DNTT: variants seen among roughly 807,000 people sequenced by gnomAD.
DNTT encodes nucleosidetriphosphate:DNA deoxynucleotidylexotransferase.
A neutral mutation model predicts 60.9 loss-of-function variants in DNTT; 47 were observed. The ratio of observed to expected loss-of-function variants is 0.77; its 90% CI spans 0.61 to 0.98. DNTT has a LOEUF of 0.98. DNTT is among the 50% of genes least tolerant of loss of function. DNTT has a pLI of 0.00. For synonymous variants in DNTT, 224 were observed against 221.2 expected (o/e 1.01, Z -0.11); for missense variants, 665 against 627.5 (o/e 1.06, Z -0.64).
chr10:96,320,460 A>G (rs1422055247), intron 3 of DNTT, among the ~76,000 whole-genome samples, 158 bp from the exon 4 acceptor site: 1 of 152,236 alleles, frequency 6.6e-6, no homozygotes, highest in African/African-American at 2.4e-5. Flanking sequence ...CCATGACACC[A>G]GAGAGGCATA....
intron 7 of DNTT, among the ~76,000 whole-genome samples, chr10:96,328,165 A>G (rs1215828513): frequency 1.3e-5 from 2 of 152,252 alleles, no homozygotes; most frequent in Non-Finnish European, 2.9e-5. Context: ...AACGCTTCAC[A>G]AGGATGTATG....
chr10:96,308,314 T>G (rs2133982358), intron 1 of DNTT, among the ~76,000 whole-genome samples: 1 of 152,332 alleles, frequency 6.6e-6, no homozygotes, highest in Non-Finnish European at 1.5e-5. Flanking sequence ...TATTGCAAAA[T>G]ACGTGCCATT....
chr10:96,309,364 G>C (rs1353581315), intron 1 of DNTT, among the ~76,000 whole-genome samples: 2 of 151,988 alleles, frequency 1.3e-5, no homozygotes, highest in African/African-American at 4.8e-5. Flanking sequence ...TGCAAACAAG[G>C]AGTTTACAGT....
rs1231096825 is a variant in DNTT at position 96,332,401 on chromosome 10, G to A, written c.1164G>A (p.Arg388=). 1.2e-6 allele frequency: 2 copies of A among 1,614,024 alleles called. No homozygotes were observed. The highest frequency in any genetic ancestry group is 2.7e-5 in the African/African-American group (2 of 74,918). The change falls in exon 9 of 11, where the codon AGG becomes AGA. Residue 388 remains arginine, a synonymous_variant. Coordinates refer to ENST00000371174, the MANE Select transcript of DNTT (RefSeq NM_004088.4). ...TGGAGTCAACATTTGAAAAGCTCAG[G>A]TTGCCTAGCAGGAAGGTTGATGCTT... ...DLVESTFEKL[R]LPSRKVDALD...
chr10:96,305,525 G>C (rs902663401), intron 1 of DNTT, among the ~76,000 whole-genome samples: 1 of 152,196 alleles, frequency 6.6e-6, no homozygotes, highest in African/African-American at 2.4e-5. Flanking sequence ...ATAAGTGATG[G>C]TTCTGGATTA....
In DNTT at chr10:96,314,633, T is replaced by C. The variant is rs181217793; in HGVS notation, c.204-3719T>C. The stretch of plus-strand genomic sequence containing the variant: ...TTCACCGTGTTAGCCAGGATGGTCT[T>C]GATCTCCTGACCTCATGATCTGCCC... On this transcript the variant is annotated intron_variant, in intron 1 of 10. Transcript: ENST00000371174. 7.6e-4 allele frequency among the ~76,000 whole-genome samples: 115 copies of C among 151,658 alleles called. 1 individual carries two copies. Among genetic ancestry groups the C allele is most frequent in the East Asian group, 3.7e-3 (19 of 5,140 alleles).
rs571930329 is a variant in DNTT at position 96,327,523 on chromosome 10, C to A, written c.930C>A (p.Ala310=). 1.2e-6 allele frequency: 2 copies of A among 1,614,038 alleles called. No homozygotes were observed. Among genetic ancestry groups the A allele is most frequent in the African/African-American group, 1.3e-5 (1 of 75,026 alleles). The change falls in exon 7 of 11, where the codon GCC becomes GCA. Residue 310 remains alanine (A), a synonymous_variant. Transcript: ENST00000371174. Reference sequence around the variant, plus strand: ...GTGTGACCAGGGCAGAAGCAGAGGCCGTCAGTGTGCTGGTTAAAGAGGCTG... The same window carrying A: ...GTGTGACCAGGGCAGAAGCAGAGGCAGTCAGTGTGCTGGTTAAAGAGGCTG... The part of the protein sequence containing the change: ...VSCVTRAEAE[A]VSVLVKEAVW...
At chr10:96,320,868 T>C in intron 4 of DNTT, 80 bp downstream of exon 4, 1 of 1,544,650 alleles carries the variant, frequency 6.5e-7, no homozygotes, top group South Asian at 1.2e-5. Flanking sequence ...TAACAGATTT[T>C]CCTGTCAACT....
chr10:96,333,604 A>T (rs1845032625), intron 9 of DNTT, among the ~76,000 whole-genome samples: 1 of 152,258 alleles, frequency 6.6e-6, no homozygotes, highest in Non-Finnish European at 1.5e-5. Flanking sequence ...TTTAAAATGT[A>T]GTATATGCAC....
At chr10:96,308,767 G>A (rs371473502) in intron 1 of DNTT, among the ~76,000 whole-genome samples, 6 of 152,220 alleles carry the variant, frequency 3.9e-5, no homozygotes, top group African/African-American at 1.2e-4. Context: ...GCAATGTTTT[G>A]TGGGCAGGGG....
chr10:96,306,957 A>G (rs55831230), intron 1 of DNTT, among the ~76,000 whole-genome samples: 1,584 of 152,342 alleles, frequency 0.01, 8 homozygotes, highest in Middle Eastern at 0.02. Flanking sequence ...TACGAAATTT[A>G]GAAACCTCAA....
chr10:96,318,561 G>A, intron 2 of DNTT, 35 bp downstream of exon 2: 1 of 1,603,694 alleles, frequency 6.2e-7, no homozygotes, highest in Non-Finnish European at 8.5e-7. Context: ...ACTGTTCTTT[G>A]CTTGATGGTT....
chr10:96,317,202 A>G (rs1037569058), intron 1 of DNTT, among the ~76,000 whole-genome samples: 1 of 152,246 alleles, frequency 6.6e-6, no homozygotes, highest in Non-Finnish European at 1.5e-5. Context: ...TGGCCCAGAA[A>G]AAACAATAAA....
At chr10:96,334,284 G>C (rs372749322) in intron 9 of DNTT, among the ~76,000 whole-genome samples, 13 of 152,216 alleles carry the variant, frequency 8.5e-5, no homozygotes, top group South Asian at 6.2e-4. Context: ...GATGACCTTA[G>C]CTACTTCCCT....
rs868668849 is a variant in DNTT at position 96,324,374 on chromosome 10, C to T, written c.859C>T (p.Arg287Ter). 19 of 1,613,720 alleles carry T rather than the reference C, an allele frequency of 1.2e-5. No homozygotes were observed. The highest frequency in any genetic ancestry group is 1.7e-5 in the Admixed American group (1 of 60,010). The stretch of plus-strand genomic sequence containing the variant: ...GTCGGACAAAAGCCTGAAATTTACA[C>T]GAATGCAGAAAGCAGGTAAATTGTC... ...VRSDKSLKFT[R>*]MQKAGFLYYE... The change falls in exon 6 of 11, where the codon CGA (arginine) becomes TGA (stop). Residue 287 changes from arginine to a stop codon, truncating the protein, a stop_gained. Coordinates refer to ENST00000371174, the MANE Select transcript of DNTT (RefSeq NM_004088.4). LOFTEE classifies it high-confidence loss of function.
chr10:96,334,748 A>T (rs532819177), intron 9 of DNTT, among the ~76,000 whole-genome samples: 1 of 152,390 alleles, frequency 6.6e-6, no homozygotes, highest in African/African-American at 2.4e-5. Context: ...CTTGTCTGAT[A>T]GACATAAATC....
intron 9 of DNTT, among the ~76,000 whole-genome samples, chr10:96,334,162 G>C (rs1376285551): frequency 6.6e-6 from 1 of 152,178 alleles, no homozygotes; most frequent in East Asian, 1.9e-4. Context: ...CACAAGTTGA[G>C]TTCATCCCAG....
At chr10:96,330,992 G>T (rs1845000053) in intron 8 of DNTT, among the ~76,000 whole-genome samples, 1 of 152,092 alleles carries the variant, frequency 6.6e-6, no homozygotes, top group Non-Finnish European at 1.5e-5. Context: ...GTGGTTGCTA[G>T]CATGTTTCTC....
Position 96,319,264 on chromosome 10 carries a change from G to A in DNTT, c.381G>A (p.Val127=), listed in dbSNP as rs550699762. 3.3e-5 allele frequency: 54 copies of A among 1,612,970 alleles called. No homozygotes were observed. The South Asian group carries it at 5.6e-4, about 17-fold the overall frequency. Residue 127 remains valine, a splice_region_variant and synonymous_variant, in exon 3 of 11, where the codon GTG becomes GTA. Transcript: ENST00000371174. The stretch of plus-strand genomic sequence containing the variant: ...TGGATGCTTATGCATTTGTTTAGGT[G>A]AGAAGAGACTATTCAGATAGCACCA... ...VEMTGKHQLV[V]RRDYSDSTNP...
Sources: gnomAD v4.1 joint callset for allele counts (sites outside exome capture counted in the v4.1 genomes callset) on GRCh38, gnomAD v4.1.1 for gene constraint, MANE v1.5 for transcripts, NCBI Gene and HGNC (gene_info 2026-07-23, HGNC 2026-07-21) for gene names.